FCHO2: variants seen among roughly 807,000 people sequenced by gnomAD.
The protein encoded by FCHO2 is F-BAR domain only protein 2.
FCHO2 carries 43 observed loss-of-function variants against 114.1 expected under a neutral mutation model. That is an observed-to-expected ratio of 0.38 (90% CI 0.30 to 0.49). The LOEUF is 0.49. Among genes scored for constraint, FCHO2 ranks in the 20% least tolerant of loss-of-function variants. The probability of loss-of-function intolerance (pLI) is 0.97; values close to 1 mark genes in which losing one functional copy is unlikely to be tolerated. For synonymous variants in FCHO2, 293 were observed against 315.2 expected (o/e 0.93, Z 0.75); for missense variants, 807 against 950.4 (o/e 0.85, Z 1.98).
intron 9 of FCHO2, 44 bp from the exon 10 acceptor site, chr5:73,037,098 TC>T: frequency 1.5e-6 from 2 of 1,320,536 alleles, no homozygotes; most frequent in Non-Finnish European, 2.1e-6. Context: ...AATATGTTTA[TC>T]AGGAATGTTT....
At chr5:72,992,398 A>G (rs1461190278) in intron 5 of FCHO2, among the ~76,000 whole-genome samples, 1 of 152,236 alleles carries the variant, frequency 6.6e-6, no homozygotes, top group East Asian at 1.9e-4. Context: ...AACAGGGTCC[A>G]AAAAGAATAA....
At chr5:72,975,756 C>A (rs959853800) in intron 2 of FCHO2, among the ~76,000 whole-genome samples, 1 of 152,136 alleles carries the variant, frequency 6.6e-6, no homozygotes, top group Admixed American at 6.5e-5. Flanking sequence ...CCACCCATCT[C>A]GGCCTCCCAG....
intron 8 of FCHO2, among the ~76,000 whole-genome samples, chr5:73,019,101 C>A (rs1401140260): frequency 6.6e-6 from 1 of 152,090 alleles, no homozygotes. Flanking sequence ...TAGTGCCAGA[C>A]CTCATTTTTA....
At position 73,017,691 on chromosome 5, in the gene FCHO2, T is replaced by C. The variant is rs147981035; in HGVS notation, c.796+383T>C. 3.6e-3 allele frequency among the ~76,000 whole-genome samples: 542 copies of C among 152,282 alleles called. 5 individuals are homozygous for C. The highest frequency in any genetic ancestry group is 0.013 in the African/African-American group (527 of 41,590). On this transcript the variant is annotated intron_variant, in intron 8 of 25. Transcript: ENST00000430046. ...TAATAAAAGAAAGATTGGGAGAGAA[T>C]ATTGAACGCTCAGAACATTGAGACC...
chr5:72,956,261 C>A, intron 1 of FCHO2, 132 bp downstream of exon 1: 1 of 1,252,972 alleles, frequency 8.0e-7, no homozygotes, highest in South Asian at 1.6e-5. Context: ...CGCGTCCCGC[C>A]TGGGTGAGGT....
chr5:73,041,919 A>G lies in FCHO2; in HGVS notation c.939+604A>G, dbSNP rs190553940. Among the ~76,000 whole-genome samples the G allele has an allele frequency of 2.3e-4, 35 of 152,186 alleles. No individual in the cohort carries two copies. The East Asian group carries it at 2.9e-3, about 13-fold the overall frequency. On this transcript the variant is annotated intron_variant, in intron 11 of 25. Transcript: ENST00000430046. ...ATGTGTAGACAGACATATTTTTCAA[A>G]ACTGTTCATTAGATACCGTTCATGT...
In FCHO2 at chr5:73,026,655, A is replaced by T. The variant is rs74935029; in HGVS notation, c.797-8002A>T. Among the ~76,000 whole-genome samples, 542 of 152,138 alleles carry T rather than the reference A, an allele frequency of 3.6e-3. 5 individuals are homozygous for T. Among genetic ancestry groups the T allele is most frequent in the African/African-American group, 0.013 (527 of 41,512 alleles). ...TCGTTATGATAATGTTATATTACTTATTGTATGTACTGACACTTTTTGTCA... is the reference window on the plus strand; with the variant it reads ...TCGTTATGATAATGTTATATTACTTTTTGTATGTACTGACACTTTTTGTCA... On this transcript the variant is annotated intron_variant, in intron 8 of 25. Transcript: ENST00000430046.
intron 6 of FCHO2, among the ~76,000 whole-genome samples, chr5:73,007,973 T>C (rs1404005251): frequency 6.6e-6 from 1 of 152,048 alleles, no homozygotes; most frequent in Non-Finnish European, 1.5e-5. Context: ...GCTTTGGGGA[T>C]CATGAGTATG....
chr5:73,041,966 A>G (rs1355502989), intron 11 of FCHO2, among the ~76,000 whole-genome samples: 2 of 152,116 alleles, frequency 1.3e-5, no homozygotes, highest in African/African-American at 2.4e-5. Flanking sequence ...GGGGTTTCAA[A>G]CAATCTCTGT....
chr5:73,020,093 A>T (rs1452144264), intron 8 of FCHO2, among the ~76,000 whole-genome samples: 1 of 152,200 alleles, frequency 6.6e-6, no homozygotes, highest in Non-Finnish European at 1.5e-5. Flanking sequence ...AACATCCCAG[A>T]GGCCCATTTA....
At chr5:73,010,097 TAACTG>T (rs1467769559) in intron 6 of FCHO2, among the ~76,000 whole-genome samples, 1 of 152,184 alleles carries the variant, frequency 6.6e-6, no homozygotes. Flanking sequence ...CTTCTCCACT[TAACTG>T]TTTTTCCAGG....
At chr5:73,040,234 G>T (rs923389619) in intron 10 of FCHO2, among the ~76,000 whole-genome samples, 19 of 151,966 alleles carry the variant, frequency 1.3e-4, no homozygotes, top group Non-Finnish European at 1.5e-5. Flanking sequence ...AGATTTTTTT[G>T]GATTTTGAAA....
chr5:73,003,499 T>A (rs899804382), intron 5 of FCHO2, among the ~76,000 whole-genome samples: 1 of 152,166 alleles, frequency 6.6e-6, no homozygotes, highest in African/African-American at 2.4e-5. Flanking sequence ...TGTAAAAGTG[T>A]ATGCACAGTC....
At chr5:72,964,377 A>G (rs1036715454) in intron 1 of FCHO2, among the ~76,000 whole-genome samples, 19 of 150,820 alleles carry the variant, frequency 1.3e-4, no homozygotes, top group African/African-American at 4.7e-4. Context: ...CCTATTCTAC[A>G]TACTTTATTT....
rs1289470027 is a variant in FCHO2, at chr5:72,956,049, A to G, written c.-48A>G. 9.1e-6 allele frequency: 14 copies of G among 1,537,918 alleles called. No individual in the cohort carries two copies. The highest frequency in any genetic ancestry group is 1.1e-5 in the Non-Finnish European group (13 of 1,141,384). On this transcript the variant is annotated 5_prime_UTR_variant, in exon 1 of 26. Transcript: ENST00000430046. ...GCTGTGGGGGCCGGGCCGTGTTTACACAGCGGCGGGCGGGCGCGGACGCGG... is the reference window on the plus strand; with the variant it reads ...GCTGTGGGGGCCGGGCCGTGTTTACGCAGCGGCGGGCGGGCGCGGACGCGG...
chr5:73,051,026 C>T (rs1757314495), intron 11 of FCHO2: 1 of 257,512 alleles, frequency 3.9e-6, no homozygotes, highest in Admixed American at 5.7e-5. Context: ...ACTTATTCTT[C>T]CTCATTTATA....
intron 17 of FCHO2, among the ~76,000 whole-genome samples, chr5:73,061,589 TCCATCA>T (rs1453069483): frequency 2.0e-5 from 3 of 151,970 alleles, no homozygotes; most frequent in African/African-American, 7.2e-5. Context: ...GTCTAGAAAG[TCCATCA>T]CCAGACTTGT....
intron 8 of FCHO2, among the ~76,000 whole-genome samples, chr5:73,033,196 A>G (rs1310608609): frequency 6.6e-6 from 1 of 152,072 alleles, no homozygotes; most frequent in Non-Finnish European, 1.5e-5. Flanking sequence ...GCTTTTTTGG[A>G]TAGAAGTGAT....
intron 16 of FCHO2, among the ~76,000 whole-genome samples, chr5:73,056,710 A>G (rs1757612790): frequency 6.6e-6 from 1 of 152,146 alleles, no homozygotes; most frequent in Non-Finnish European, 1.5e-5. Context: ...AAATTCATAC[A>G]TATCTGTATT....
Sources: gnomAD v4.1 joint callset for allele counts (sites outside exome capture counted in the v4.1 genomes callset) on GRCh38, gnomAD v4.1.1 for gene constraint, MANE v1.5 for transcripts, NCBI Gene and HGNC (gene_info 2026-07-23, HGNC 2026-07-21) for gene names.